TGFBR2: variants seen among roughly 807,000 people sequenced by gnomAD.
TGFBR2 encodes transforming growth factor beta receptor 2, also known as TGF-beta receptor type-2.
In TGFBR2, 18 loss-of-function variants were observed where a neutral mutation model predicts 49.0. The ratio of observed to expected loss-of-function variants is 0.37; its 90% CI spans 0.25 to 0.54. The LOEUF is 0.54. Ranked by LOEUF, TGFBR2 falls within the 20% of genes least tolerant of loss-of-function variation. The pLI is 0.85. For missense variants in TGFBR2, 525 were observed against 722.6 expected (o/e 0.73, Z 3.13); for synonymous variants, 282 against 275.9 (o/e 1.02, Z -0.22).
chr3:30,645,819 CCT>C (rs4016205), intron 2 of TGFBR2, among the ~76,000 whole-genome samples: 288 of 147,456 alleles, frequency 2.0e-3, no homozygotes, highest in African/African-American at 4.1e-3. Flanking sequence ...CACATTTTCT[CCT>C]CTCTCTCTCT....
intron 3 of TGFBR2, among the ~76,000 whole-genome samples, chr3:30,659,830 A>G (rs1229940911): frequency 1.3e-5 from 2 of 151,942 alleles, no homozygotes; most frequent in African/African-American, 2.4e-5. Context: ...AGTAATGGCA[A>G]GAAGGGTCCA....
At chr3:30,647,371 G>A (rs1698761852) in intron 2 of TGFBR2, among the ~76,000 whole-genome samples, 1 of 152,096 alleles carries the variant, frequency 6.6e-6, no homozygotes, top group South Asian at 2.1e-4. Flanking sequence ...CAATACTGTT[G>A]CCTTTAGTCG....
intron 5 of TGFBR2, among the ~76,000 whole-genome samples, chr3:30,680,960 G>C (rs1268943043): frequency 6.6e-6 from 1 of 152,060 alleles, no homozygotes; most frequent in East Asian, 1.9e-4. Flanking sequence ...GCCCCCTTTG[G>C]TGAACACAGC....
chr3:30,685,029 C>T (rs1315612105), intron 5 of TGFBR2, among the ~76,000 whole-genome samples: 5 of 152,276 alleles, frequency 3.3e-5, no homozygotes, highest in African/African-American at 1.2e-4. Flanking sequence ...TCTTTGTTCT[C>T]AAGGACTATC....
chr3:30,673,252 G>A (rs1486296285), intron 4 of TGFBR2, among the ~76,000 whole-genome samples: 1 of 152,110 alleles, frequency 6.6e-6, no homozygotes. Flanking sequence ...ATGACCTCTT[G>A]AGAAGAAAAA....
intron 6 of TGFBR2, among the ~76,000 whole-genome samples, chr3:30,689,983 A>G (rs1205623628): frequency 1.3e-5 from 2 of 152,242 alleles, no homozygotes; most frequent in African/African-American, 4.8e-5. Flanking sequence ...TAACAGGGCC[A>G]TCTGTCAATA....
At chr3:30,636,919 C>G (rs1218174427) in intron 1 of TGFBR2, among the ~76,000 whole-genome samples, 2 of 151,924 alleles carry the variant, frequency 1.3e-5, no homozygotes, top group East Asian at 3.9e-4. Flanking sequence ...AAAAAATTAG[C>G]CAAGCGTGGT....
In TGFBR2 at chr3:30,654,625, G is replaced by C. The variant is rs771383047; in HGVS notation, c.454+4165G>C. 2.0e-5 allele frequency among the ~76,000 whole-genome samples: 3 copies of C among 152,182 alleles called. No homozygotes were observed. The South Asian group carries it at 6.2e-4, about 32-fold the overall frequency. On this transcript the variant is annotated intron_variant, in intron 3 of 6. Coordinates refer to ENST00000295754, the MANE Select transcript of TGFBR2 (RefSeq NM_003242.6). ...TAACCAACATATAAAATTCCAATTA[G>C]AAGAGAAGTTGTTTGGATTGGTCAT...
chr3:30,663,086 ATG>A (rs1699167325), intron 3 of TGFBR2, among the ~76,000 whole-genome samples: 1 of 152,182 alleles, frequency 6.6e-6, no homozygotes, highest in Admixed American at 6.5e-5. Context: ...TTTATGTAAC[ATG>A]CCAACAAAAT....
chr3:30,657,565 T>G (rs1699030485), intron 3 of TGFBR2, among the ~76,000 whole-genome samples: 2 of 152,196 alleles, frequency 1.3e-5, no homozygotes, highest in African/African-American at 4.8e-5. Context: ...ATACTTTTAA[T>G]AGGATTATTT....
chr3:30,607,793 T>TTAA (rs1697949872), intron 1 of TGFBR2, among the ~76,000 whole-genome samples: 1 of 134,700 alleles, frequency 7.4e-6, no homozygotes, highest in Non-Finnish European at 1.5e-5. Context: ...AAAATAAAAA[T>TTAA]AAAAAAATAT....
At chr3:30,656,703 T>A (rs1699007159) in intron 3 of TGFBR2, among the ~76,000 whole-genome samples, 1 of 152,220 alleles carries the variant, frequency 6.6e-6, no homozygotes, top group Non-Finnish European at 1.5e-5. Context: ...TTGCTTTTCC[T>A]GCTAACTTAG....
At chr3:30,675,239 T>C (rs1699414646) in intron 5 of TGFBR2, among the ~76,000 whole-genome samples, 1 of 152,194 alleles carries the variant, frequency 6.6e-6, no homozygotes. Flanking sequence ...CTCATTGAAC[T>C]AGAACTGCCT....
chr3:30,634,552 G>T (rs1575139173), intron 1 of TGFBR2, among the ~76,000 whole-genome samples: 1 of 152,078 alleles, frequency 6.6e-6, no homozygotes. Flanking sequence ...TTTCGTTTAG[G>T]TTGACTAATT....
chr3:30,669,113 T>A (rs1249785018), intron 3 of TGFBR2, among the ~76,000 whole-genome samples: 6 of 28,136 alleles, frequency 2.1e-4, no homozygotes, highest in South Asian at 1.8e-3. Context: ...CCGTCTCCAC[T>A]AAAAATACAA....
In TGFBR2 at chr3:30,634,546, G is replaced by A. The variant is rs145335084; in HGVS notation, c.95-10201G>A. Among the ~76,000 whole-genome samples the A allele has an allele frequency of 5.0e-4, 76 of 152,182 alleles. 1 individual carries two copies. Among genetic ancestry groups the A allele is most frequent in the African/African-American group, 1.7e-4 (7 of 41,520 alleles). ...GGCTGTCAGAAAGCAGCACATTTTC[G>A]TTTAGGTTGACTAATTTTGCTGGTA... On this transcript the variant is annotated intron_variant, in intron 1 of 6. Coordinates refer to ENST00000295754, the MANE Select transcript of TGFBR2 (RefSeq NM_003242.6).
chr3:30,620,838 T>G (rs1185841667), intron 1 of TGFBR2, among the ~76,000 whole-genome samples: 1 of 152,182 alleles, frequency 6.6e-6, no homozygotes, highest in Non-Finnish European at 1.5e-5. Context: ...GAAGAGTGCC[T>G]GAAGATACTC....
chr3:30,686,727 G>A (rs187186478), intron 5 of TGFBR2, among the ~76,000 whole-genome samples: 4 of 152,336 alleles, frequency 2.6e-5, no homozygotes, highest in African/African-American at 9.6e-5. Flanking sequence ...GGAGAACAGT[G>A]TTGAATCCAG....
rs187027426 is a variant in TGFBR2, at chr3:30,629,691, C to T, written c.95-15056C>T. Among the ~76,000 whole-genome samples, 70 of 152,268 alleles carry T rather than the reference C, an allele frequency of 4.6e-4. 1 individual carries two copies. Among genetic ancestry groups the T allele is most frequent in the African/African-American group, 1.6e-3 (65 of 41,548 alleles). On this transcript the variant is annotated intron_variant, in intron 1 of 6. Transcript: ENST00000295754. ...CAAGTGTTTATAGAGTACCAACCAC[C>T]GTGTGCCAGCCAATGTTTGAGATTT...
Sources: gnomAD v4.1 joint callset for allele counts (sites outside exome capture counted in the v4.1 genomes callset) on GRCh38, gnomAD v4.1.1 for gene constraint, MANE v1.5 for transcripts, NCBI Gene and HGNC (gene_info 2026-07-23, HGNC 2026-07-21) for gene names.